The following NKAIN3 variants were observed in gnomAD, a reference collection of about 807,000 sequenced individuals.
The protein encoded by NKAIN3 is sodium/potassium transporting ATPase interacting 3, also known as sodium/potassium-transporting ATPase subunit beta-1-interacting protein 3.
NKAIN3 carries 25 observed loss-of-function variants against 30.2 expected under a neutral mutation model. The ratio of observed to expected loss-of-function variants is 0.83; its 90% CI spans 0.60 to 1.16. NKAIN3 has a LOEUF of 1.16. Among genes scored for constraint, NKAIN3 ranks in the 50% most tolerant of loss-of-function variants. The pLI is 0.00. For missense variants in NKAIN3, 225 were observed against 254.1 expected (o/e 0.89, Z 0.78); for synonymous variants, 91 against 89.6 (o/e 1.02, Z -0.09).
At chr8:62,567,964 G>A (rs1585956698) in intron 1 of NKAIN3, among the ~76,000 whole-genome samples, 2 of 152,214 alleles carry the variant, frequency 1.3e-5, no homozygotes, top group East Asian at 3.9e-4. Flanking sequence ...TTTTTCACAT[G>A]TGTATCAAAT....
chr8:62,277,234 T>C (rs1428779448), intron 1 of NKAIN3, among the ~76,000 whole-genome samples: 2 of 152,226 alleles, frequency 1.3e-5, no homozygotes, highest in Non-Finnish European at 2.9e-5. Flanking sequence ...TAGGAAATTA[T>C]ATAAGTAGGA....
chr8:62,466,777 C>A (rs1227130092), intron 1 of NKAIN3, among the ~76,000 whole-genome samples: 1 of 152,076 alleles, frequency 6.6e-6, no homozygotes, highest in Admixed American at 6.5e-5. Context: ...AATGCATATT[C>A]TTCTTTTGCA....
At chr8:62,253,955 C>A (rs977119146) in intron 1 of NKAIN3, among the ~76,000 whole-genome samples, 4 of 151,960 alleles carry the variant, frequency 2.6e-5, no homozygotes, top group Non-Finnish European at 4.4e-5. Flanking sequence ...ATTTTGTTTC[C>A]ATTCTCTTTC....
chr8:62,799,397 T>C (rs1474797670), intron 4 of NKAIN3, among the ~76,000 whole-genome samples: 1 of 152,014 alleles, frequency 6.6e-6, no homozygotes, highest in Non-Finnish European at 1.5e-5. Flanking sequence ...CATGAATAGA[T>C]CATTCTCAAA....
chr8:62,958,884 C>A (rs1823493094), intron 6 of NKAIN3, among the ~76,000 whole-genome samples: 1 of 152,302 alleles, frequency 6.6e-6, no homozygotes, highest in South Asian at 2.1e-4. Flanking sequence ...GAACTGACTT[C>A]TACAGCAAAG....
intron 1 of NKAIN3, among the ~76,000 whole-genome samples, chr8:62,275,294 G>T (rs553981812): frequency 1.2e-4 from 18 of 152,288 alleles, no homozygotes; most frequent in Non-Finnish European, 2.2e-4. Flanking sequence ...ATTCTAACTG[G>T]TGTGAGATGG....
intron 1 of NKAIN3, among the ~76,000 whole-genome samples, chr8:62,393,731 A>C (rs1817642622): frequency 6.6e-6 from 1 of 152,088 alleles, no homozygotes; most frequent in South Asian, 2.1e-4. Flanking sequence ...ATTAATAAAA[A>C]AGTATATATT....
chr8:62,689,296 C>T (rs1813890029), intron 3 of NKAIN3, among the ~76,000 whole-genome samples: 1 of 152,156 alleles, frequency 6.6e-6, no homozygotes, highest in African/African-American at 2.4e-5. Flanking sequence ...CTCTGTCTAG[C>T]TGCCCTAGGC....
At chr8:62,441,156 A>G (rs1381791732) in intron 1 of NKAIN3, among the ~76,000 whole-genome samples, 1 of 152,178 alleles carries the variant, frequency 6.6e-6, no homozygotes, top group African/African-American at 2.4e-5. Flanking sequence ...ATTGATTCAA[A>G]GGGCTAAGCT....
chr8:62,348,940 C>T (rs964972937), intron 1 of NKAIN3, among the ~76,000 whole-genome samples: 5 of 152,120 alleles, frequency 3.3e-5, no homozygotes, highest in African/African-American at 9.7e-5. Flanking sequence ...CAGAAAATTC[C>T]TCTGTGTTTT....
At chr8:62,350,621 A>T (rs1644049446) in intron 1 of NKAIN3, among the ~76,000 whole-genome samples, 1 of 152,182 alleles carries the variant, frequency 6.6e-6, no homozygotes, top group Non-Finnish European at 1.5e-5. Flanking sequence ...GTTAAATTTT[A>T]TGTTATGTAT....
intron 4 of NKAIN3, among the ~76,000 whole-genome samples, chr8:62,798,324 C>G (rs1023610424): frequency 6.6e-6 from 1 of 152,140 alleles, no homozygotes; most frequent in African/African-American, 2.4e-5. Context: ...GTAATCCCAG[C>G]ACTTTGGGAG....
intron 1 of NKAIN3, among the ~76,000 whole-genome samples, chr8:62,510,615 G>T (rs562972760): frequency 6.6e-6 from 1 of 152,266 alleles, no homozygotes; most frequent in Admixed American, 6.5e-5. Context: ...AGAGGAAGAG[G>T]AGGAAGAGGA....
chr8:62,623,914 C>A (rs1811705167), intron 3 of NKAIN3, among the ~76,000 whole-genome samples: 1 of 152,028 alleles, frequency 6.6e-6, no homozygotes, highest in Non-Finnish European at 1.5e-5. Flanking sequence ...TATACTTATA[C>A]TTATTTCTTG....
intron 1 of NKAIN3, among the ~76,000 whole-genome samples, chr8:62,510,631 G>A (rs1807788444): frequency 1.3e-5 from 2 of 152,246 alleles, no homozygotes; most frequent in African/African-American, 2.4e-5. Flanking sequence ...GAGGAAGGAG[G>A]AAGGAAGCAG....
intron 5 of NKAIN3, among the ~76,000 whole-genome samples, chr8:62,937,022 G>A (rs746318426): frequency 2.6e-5 from 4 of 151,734 alleles, no homozygotes; most frequent in Non-Finnish European, 4.4e-5. Flanking sequence ...TATATATTAA[G>A]CATCTTACAT....
At chr8:62,827,878 CCA>C (rs1368535597) in intron 4 of NKAIN3, among the ~76,000 whole-genome samples, 11 of 151,910 alleles carry the variant, frequency 7.2e-5, no homozygotes, top group African/African-American at 2.7e-4. Context: ...ATGAGCTACA[CCA>C]AGGTATTATG....
At chr8:62,730,770 T>C (rs1391804171) in intron 3 of NKAIN3, among the ~76,000 whole-genome samples, 1 of 152,206 alleles carries the variant, frequency 6.6e-6, no homozygotes, top group Non-Finnish European at 1.5e-5. Context: ...AATTTCTTAC[T>C]GCAAAAGCAA....
chr8:62,351,078 A>G (rs1816164519), intron 1 of NKAIN3, among the ~76,000 whole-genome samples: 1 of 138,452 alleles, frequency 7.2e-6, no homozygotes, highest in Non-Finnish European at 1.5e-5. Context: ...AAATGTAAAT[A>G]GTATATATAA....
Sources: allele counts gnomAD v4.1 joint callset (sites outside exome capture counted in the v4.1 genomes callset), GRCh38; gene constraint gnomAD v4.1.1; transcripts MANE v1.5; gene names NCBI Gene and HGNC (gene_info 2026-07-23, HGNC 2026-07-21).